FSD1L: variants seen among roughly 807,000 people sequenced by gnomAD.
The protein encoded by FSD1L is FSD1-like protein.
Under a neutral mutation model 71.6 loss-of-function variants are expected in FSD1L, and 45 were observed. The ratio of observed to expected loss-of-function variants is 0.63; its 90% CI spans 0.49 to 0.81. FSD1L has a LOEUF of 0.81. FSD1L is among the 30% of genes least tolerant of loss of function. FSD1L has a pLI of 0.00. For missense variants in FSD1L, 561 were observed against 618.1 expected (o/e 0.91, Z 0.98); for synonymous variants, 197 against 207.2 (o/e 0.95, Z 0.42).
intron 7 of FSD1L, among the ~76,000 whole-genome samples, chr9:105,505,076 T>G (rs1414557984): frequency 6.6e-6 from 1 of 152,246 alleles, no homozygotes; most frequent in African/African-American, 2.4e-5. Context: ...ACTCTTTGTG[T>G]TAAACAGTTC....
At chr9:105,461,191 C>G (rs1830670388) in intron 1 of FSD1L, among the ~76,000 whole-genome samples, 1 of 152,074 alleles carries the variant, frequency 6.6e-6, no homozygotes, top group East Asian at 1.9e-4. Context: ...TATTTCCACT[C>G]TTAGAAATAT....
At chr9:105,452,660 TGCCTG>T (rs1564073235) in intron 1 of FSD1L, among the ~76,000 whole-genome samples, 104 of 130,346 alleles carry the variant, frequency 8.0e-4, no homozygotes, top group African/African-American at 1.7e-3. Context: ...CCTGCCTGCC[TGCCTG>T]CCTGCCTTCC....
intron 10 of FSD1L, chr9:105,521,211 A>C (rs938962721): frequency 1.9e-6 from 3 of 1,614,066 alleles, no homozygotes; most frequent in Non-Finnish European, 1.7e-6. Flanking sequence ...AAAACCACAT[A>C]CAGGACCTCA....
chr9:105,539,206 A>ATG, intron 12 of FSD1L, 57 bp from the exon 13 acceptor site: 1 of 797,566 alleles, frequency 1.3e-6, no homozygotes, highest in Non-Finnish European at 2.0e-6. Context: ...CGTTAGAATT[A>ATG]ATTAAATGTT....
chr9:105,456,041 G>A (rs183821238), intron 1 of FSD1L, among the ~76,000 whole-genome samples: 26 of 152,292 alleles, frequency 1.7e-4, no homozygotes, highest in African/African-American at 5.5e-4. Flanking sequence ...GGATGCTGAT[G>A]CCCTCTGATT....
chr9:105,448,013 C>G (rs1829722246), upstream of FSD1L: 1 of 594,474 alleles, frequency 1.7e-6, no homozygotes. Flanking sequence ...GCTCCTCAGC[C>G]CCTCCCTTCT....
chr9:105,521,021 C>G, intron 10 of FSD1L: 1 of 1,612,178 alleles, frequency 6.2e-7, no homozygotes, highest in Non-Finnish European at 8.5e-7. Context: ...TTCCAAACAT[C>G]TGTAAGGAAA....
intron 7 of FSD1L, 38 bp downstream of exon 7, chr9:105,484,540 CT>C (rs751877611): frequency 5.4e-4 from 689 of 1,279,320 alleles, no homozygotes; most frequent in South Asian, 1.1e-3. Context: ...TTGTATAAAA[CT>C]TTTTTTTTTC....
chr9:105,448,049 C>A lies in FSD1L; in HGVS notation c.-172C>A. 1 of 708,894 alleles carries A rather than the reference C, an allele frequency of 1.4e-6. No individual in the cohort carries two copies. Among genetic ancestry groups the A allele is most frequent in the Non-Finnish European group, 2.4e-6 (1 of 411,672 alleles). The allele number at this position is 708,894 out of a possible 1,614,324, so 43.9% of individuals were successfully genotyped here. A position where few individuals can be genotyped will look rare whatever the true frequency, so the allele number is the denominator to read the frequency against. ...GCGGGCCGCCCTTTCACCCTGGCAA[C>A]CGCGGCGTGACTACGGCGCGCGCGG... On this transcript the variant is annotated 5_prime_UTR_variant, in exon 1 of 14. Transcript: ENST00000481272.
At chr9:105,526,316 C>T (rs894279504) in intron 10 of FSD1L, 1 of 1,610,414 alleles carries the variant, frequency 6.2e-7, no homozygotes, top group African/African-American at 1.3e-5. Context: ...CAGGTTTTTT[C>T]TCCAGCTCCC....
At chr9:105,468,371 A>G (rs1174840433) in intron 4 of FSD1L, 47 bp downstream of exon 4, 6 of 1,403,492 alleles carry the variant, frequency 4.3e-6, no homozygotes, top group Non-Finnish European at 5.6e-6. Flanking sequence ...AGTCTATTTA[A>G]TCCTTGATTT....
chr9:105,530,483 C>T (rs138275117), intron 10 of FSD1L: 101 of 609,504 alleles, frequency 1.7e-4, no homozygotes, highest in African/African-American at 1.5e-3. Flanking sequence ...TCCATGCTTC[C>T]CTTTATTTCT....
intron 1 of FSD1L, among the ~76,000 whole-genome samples, chr9:105,453,824 G>C (rs1452154968): frequency 6.6e-6 from 1 of 152,154 alleles, no homozygotes; most frequent in Non-Finnish European, 1.5e-5. Context: ...TTGCTGTAGT[G>C]CTAGATATTC....
chr9:105,457,102 A>G (rs1194167508), intron 1 of FSD1L, among the ~76,000 whole-genome samples: 2 of 152,184 alleles, frequency 1.3e-5, no homozygotes, highest in Non-Finnish European at 2.9e-5. Flanking sequence ...AAATGACTAT[A>G]TGTAACATGG....
intron 10 of FSD1L, among the ~76,000 whole-genome samples, chr9:105,517,362 A>C (rs1416489754): frequency 1.3e-5 from 2 of 152,184 alleles, no homozygotes; most frequent in Non-Finnish European, 2.9e-5. Flanking sequence ...CAACCCCAAG[A>C]AACCTAATTG....
chr9:105,537,227 A>G (rs1836326588), intron 12 of FSD1L, among the ~76,000 whole-genome samples: 2 of 152,222 alleles, frequency 1.3e-5, no homozygotes, highest in African/African-American at 4.8e-5. Context: ...CACTTAAGCT[A>G]ATACCAAATT....
chr9:105,477,111 A>G (rs1296424568), intron 5 of FSD1L, among the ~76,000 whole-genome samples: 2 of 152,218 alleles, frequency 1.3e-5, no homozygotes, highest in African/African-American at 4.8e-5. Flanking sequence ...GCATATGTGC[A>G]CACACACACT....
At position 105,538,933 on chromosome 9, in the gene FSD1L, A is replaced by G. The variant is rs1836436867; in HGVS notation, c.1379-330A>G. 2.0e-5 allele frequency among the ~76,000 whole-genome samples: 3 copies of G among 152,288 alleles called. No individual in the cohort carries two copies. In the South Asian group the frequency reaches 6.2e-4, roughly 32 times the overall value. On this transcript the variant is annotated intron_variant, in intron 12 of 13. Coordinates refer to ENST00000481272, the MANE Select transcript of FSD1L (RefSeq NM_001145313.3). ...GAGGCTGGTTATAGGAAAAATAAGG[A>G]GGAAGAAATGGCCTTGGTTTACACT... is the stretch of plus-strand genomic sequence containing the variant.
intron 12 of FSD1L, among the ~76,000 whole-genome samples, chr9:105,535,998 A>T (rs1046449322): frequency 9.2e-5 from 14 of 152,220 alleles, no homozygotes; most frequent in African/African-American, 3.1e-4. Context: ...TTTCCCCTCA[A>T]TATCAGAATT....
Sources: allele counts gnomAD v4.1 joint callset (sites outside exome capture counted in the v4.1 genomes callset), GRCh38; gene constraint gnomAD v4.1.1; transcripts MANE v1.5; gene names NCBI Gene and HGNC (gene_info 2026-07-23, HGNC 2026-07-21).